TECRL: variants seen among roughly 807,000 people sequenced by gnomAD.
The protein encoded by TECRL is trans-2,3-enoyl-CoA reductase-like.
Under a neutral mutation model 52.8 loss-of-function variants are expected in TECRL, and 63 were observed. That is an observed-to-expected ratio of 1.19 (90% confidence interval 0.97 to 1.47). The LOEUF is 1.47. Ranked by LOEUF, TECRL falls within the 40% of genes most tolerant of loss-of-function variation. The pLI, the probability that TECRL is intolerant of heterozygous loss-of-function variation, is 0.00. For synonymous variants in TECRL, 164 were observed against 141.9 expected, an observed-to-expected ratio of 1.16 and a Z score of -1.10; for missense variants, 482 against 429.6, an observed-to-expected ratio of 1.12 and a Z score of -1.08.
intron 6 of TECRL, among the ~76,000 whole-genome samples, chr4:64,305,864 C>A (rs1429833333): frequency 6.6e-6 from 1 of 152,178 alleles, no homozygotes; most frequent in Non-Finnish European, 1.5e-5. Context: ...ACATAAAAGA[C>A]TGAGGACTCA....
At chr4:64,360,274 A>C (rs1317535933) in intron 2 of TECRL, among the ~76,000 whole-genome samples, 1 of 152,074 alleles carries the variant, frequency 6.6e-6, no homozygotes, top group Non-Finnish European at 1.5e-5. Context: ...TAAATGTCAG[A>C]TAGTCACTTG....
At chr4:64,402,898 T>C (rs1724451521) in intron 1 of TECRL, among the ~76,000 whole-genome samples, 1 of 152,044 alleles carries the variant, frequency 6.6e-6, no homozygotes, top group Non-Finnish European at 1.5e-5. Flanking sequence ...CAGATTAGAG[T>C]TCTCCCTAAA....
chr4:64,323,552 T>C (rs886970567), intron 3 of TECRL, among the ~76,000 whole-genome samples: 1 of 152,144 alleles, frequency 6.6e-6, no homozygotes, highest in Non-Finnish European at 1.5e-5. Flanking sequence ...ATTTATCTTT[T>C]TAAAATATAT....
chr4:64,280,291 A>G (rs1315702134), intron 11 of TECRL, 92 bp from the exon 12 acceptor site: 1 of 1,034,552 alleles, frequency 9.7e-7, no homozygotes, highest in Non-Finnish European at 1.3e-6. Context: ...AGCTTTTAAG[A>G]TGTTTCTCAA....
intron 2 of TECRL, among the ~76,000 whole-genome samples, chr4:64,347,334 G>A (rs777950825): frequency 1.2e-4 from 18 of 152,262 alleles, no homozygotes; most frequent in Non-Finnish European, 5.9e-5. Context: ...CATTTCTGTG[G>A]CATGGGAATG....
In TECRL at chr4:64,281,748, A is replaced by T. The variant is rs150630720; in HGVS notation, c.833-189T>A. On this transcript the variant is annotated intron_variant, in intron 9 of 11. Coordinates refer to ENST00000381210, the MANE Select transcript of TECRL (RefSeq NM_001010874.5). ...TTAAATGTTATAACCTTTTGACTCAAATAAAATAGCTGTCATTTTCATACC... is the reference window on the plus strand; with the variant it reads ...TTAAATGTTATAACCTTTTGACTCATATAAAATAGCTGTCATTTTCATACC... Among the ~76,000 whole-genome samples, 842 of 152,046 alleles carry T rather than the reference A, an allele frequency of 5.5e-3. 10 individuals carry two copies. Among genetic ancestry groups the T allele is most frequent in the African/African-American group, 0.019 (769 of 41,538 alleles).
intron 4 of TECRL, among the ~76,000 whole-genome samples, chr4:64,317,130 T>C (rs763202336): frequency 6.6e-6 from 1 of 151,914 alleles, no homozygotes; most frequent in Non-Finnish European, 1.5e-5. Flanking sequence ...TATAAAAAAT[T>C]AGCCGGGCGT....
chr4:64,302,158 C>T (rs553463444), intron 7 of TECRL, among the ~76,000 whole-genome samples: 4 of 151,400 alleles, frequency 2.6e-5, no homozygotes, highest in Admixed American at 6.6e-5. Flanking sequence ...TTGTATTTAA[C>T]TATTATTCAA....
rs1242135911 is a variant in TECRL at position 64,278,723 on chromosome 4, T to G, written c.*1349A>C. 3 of 152,192 alleles carry G rather than the reference T, an allele frequency of 2.0e-5. No homozygotes were observed. Among genetic ancestry groups the G allele is most frequent in the Admixed American group, 6.6e-5 (1 of 15,264 alleles). The allele number at this position is 152,192 out of a possible 1,614,324, so 9.4% of individuals were successfully genotyped here. A position where few individuals can be genotyped will look rare whatever the true frequency, so the allele number is the denominator to read the frequency against. ...AGAAATTATTCCTCCTACCAAGCTG[T>G]AACTTTGTATCCTTTAACAAATCTC... On this transcript the variant is annotated 3_prime_UTR_variant, in exon 12 of 12. Transcript: ENST00000381210.
chr4:64,334,045 A>AG (rs1553913549), intron 2 of TECRL, among the ~76,000 whole-genome samples: 2 of 119,838 alleles, frequency 1.7e-5, no homozygotes, highest in African/African-American at 7.4e-5. Flanking sequence ...AAAAAAAAAA[A>AG]AAAAGAAAAA....
chr4:64,296,944 C>T (rs1348967738), intron 8 of TECRL, among the ~76,000 whole-genome samples: 1 of 151,336 alleles, frequency 6.6e-6, no homozygotes, highest in Non-Finnish European at 1.5e-5. Flanking sequence ...ATTTGTGATA[C>T]CCGAACATAT....
chr4:64,298,204 T>C (rs1000281009), intron 8 of TECRL, among the ~76,000 whole-genome samples: 3 of 151,216 alleles, frequency 2.0e-5, no homozygotes, highest in South Asian at 2.1e-4. Flanking sequence ...CAATGCTTGC[T>C]ATGTGCTTAA....
intron 8 of TECRL, among the ~76,000 whole-genome samples, chr4:64,294,242 C>T (rs989979818): frequency 1.2e-4 from 19 of 152,036 alleles, no homozygotes; most frequent in Admixed American, 2.0e-4. Context: ...CTGCCTCAGC[C>T]TCGCAAAGAG....
intron 2 of TECRL, among the ~76,000 whole-genome samples, chr4:64,340,888 G>A (rs930634855): frequency 2.6e-5 from 4 of 152,182 alleles, no homozygotes; most frequent in Non-Finnish European, 5.9e-5. Flanking sequence ...AAGGCCCCAG[G>A]CTCAGGCAGA....
intron 1 of TECRL, among the ~76,000 whole-genome samples, chr4:64,388,064 G>T (rs549751451): frequency 1.3e-5 from 2 of 151,408 alleles, no homozygotes; most frequent in South Asian, 2.1e-4. Context: ...TTTTTCAAAA[G>T]ATCTTTGCCA....
intron 1 of TECRL, 104 bp downstream of exon 1, chr4:64,409,014 A>G (rs1724915566): frequency 9.5e-7 from 1 of 1,051,898 alleles, no homozygotes; most frequent in South Asian, 1.7e-5. Context: ...TCAGAAATGT[A>G]TTTCAGAACA....
chr4:64,368,867 C>A (rs2109649725), intron 2 of TECRL, among the ~76,000 whole-genome samples: 1 of 152,234 alleles, frequency 6.6e-6, no homozygotes, highest in South Asian at 2.1e-4. Context: ...TAGTTACTAT[C>A]CTTGAACCTT....
At chr4:64,312,963 TGAA>T (rs1209448323) in intron 5 of TECRL, among the ~76,000 whole-genome samples, 1 of 152,198 alleles carries the variant, frequency 6.6e-6, no homozygotes, top group Non-Finnish European at 1.5e-5. Context: ...TACGAAAATG[TGAA>T]GAAGTACCTT....
rs1022276158 is a variant in TECRL at position 64,277,889 on chromosome 4, C to T, written c.*2183G>A. On this transcript the variant is annotated 3_prime_UTR_variant, in exon 12 of 12. Transcript: ENST00000381210. ...GTATATATGCATGCTCACATAGAAACTCATACACACACACACATGCACATA... is the reference window on the plus strand; with the variant it reads ...GTATATATGCATGCTCACATAGAAATTCATACACACACACACATGCACATA... 2 of 151,618 alleles carry T rather than the reference C, an allele frequency of 1.3e-5. No homozygotes were observed. The highest frequency in any genetic ancestry group is 4.8e-5 in the African/African-American group (2 of 41,334). The allele number at this position is 151,618 out of a possible 1,614,324, so 9.4% of individuals were successfully genotyped here. A position where few individuals can be genotyped will look rare whatever the true frequency, so the allele number is the denominator to read the frequency against.
Sources: allele counts gnomAD v4.1 joint callset (sites outside exome capture counted in the v4.1 genomes callset), GRCh38; gene constraint gnomAD v4.1.1; transcripts MANE v1.5; gene names NCBI Gene and HGNC (gene_info 2026-07-23, HGNC 2026-07-21).